The following POC1B variants were observed in gnomAD, a reference collection of about 807,000 sequenced individuals.
POC1B encodes POC1 centriolar protein homolog B.
In POC1B, 44 loss-of-function variants were observed where a neutral mutation model predicts 60.6. The observed-to-expected ratio is 0.73, with a 90% CI of 0.57 to 0.93. The LOEUF (loss-of-function observed/expected upper bound fraction) is 0.93, where lower values mean the gene tolerates loss of function less well. Among genes scored for constraint, POC1B ranks in the 40% least tolerant of loss-of-function variants. The pLI is 0.00. For missense variants in POC1B, 555 were observed against 572.3 expected, an observed-to-expected ratio of 0.97 and a Z score of 0.31; for synonymous variants, 180 against 198.9, an observed-to-expected ratio of 0.90 and a Z score of 0.80.
intron 2 of POC1B, among the ~76,000 whole-genome samples, chr12:89,499,532 C>T (rs757909681): frequency 6.6e-6 from 1 of 151,640 alleles, no homozygotes; most frequent in Non-Finnish European, 1.5e-5. Flanking sequence ...AAAAAAAAAC[C>T]TGCGATGGGA....
intron 4 of POC1B, among the ~76,000 whole-genome samples, chr12:89,489,511 C>T (rs1287891604): frequency 6.6e-6 from 1 of 152,224 alleles, no homozygotes; most frequent in Non-Finnish European, 1.5e-5. Context: ...GTCTGACCTT[C>T]TGCCTATCTT....
chr12:89,525,856 C>G, intron 1 of POC1B, 25 bp downstream of exon 1: 1 of 1,366,392 alleles, frequency 7.3e-7, no homozygotes, highest in South Asian at 1.6e-5. Context: ...GGGAGGGACC[C>G]CCCCCACCTC....
At chr12:89,485,816 C>A (rs1868606482) in intron 4 of POC1B, among the ~76,000 whole-genome samples, 2 of 152,222 alleles carry the variant, frequency 1.3e-5, no homozygotes, top group Non-Finnish European at 2.9e-5. Flanking sequence ...TAAGCCTACT[C>A]ACCAACCTTT....
the POC1B span, among the ~76,000 whole-genome samples, chr12:89,410,186 C>G: frequency 1.3e-5 from 2 of 152,166 alleles, no homozygotes; most frequent in South Asian, 2.1e-4. Flanking sequence ...ATCACATAAA[C>G]AGAACCAGTG....
the POC1B span, among the ~76,000 whole-genome samples, chr12:89,405,820 T>C: frequency 1.3e-5 from 2 of 151,918 alleles, no homozygotes; most frequent in Non-Finnish European, 2.9e-5. Context: ...CCAGGTGTGG[T>C]GTCACGCATC....
chr12:89,409,846 A>G, the POC1B span, among the ~76,000 whole-genome samples: 1 of 152,214 alleles, frequency 6.6e-6, no homozygotes, highest in Non-Finnish European at 1.5e-5. Context: ...CAAGGAGCAG[A>G]CAGATTCACA....
At chr12:89,521,409 CACTT>C (rs1363925916) in intron 2 of POC1B, 2 of 152,302 alleles carry the variant, frequency 1.3e-5, no homozygotes, top group African/African-American at 4.8e-5. Flanking sequence ...GGCCTCCCCT[CACTT>C]AATTTTTAAA....
At chr12:89,493,720 C>T (rs1413114116) in intron 3 of POC1B, among the ~76,000 whole-genome samples, 3 of 152,218 alleles carry the variant, frequency 2.0e-5, no homozygotes, top group African/African-American at 7.2e-5. Flanking sequence ...TCATCAAAAT[C>T]TGCCCTGATT....
chr12:89,476,432 C>T (rs113119351), intron 4 of POC1B, among the ~76,000 whole-genome samples: 3,784 of 152,256 alleles, frequency 0.025, 72 homozygotes, highest in Non-Finnish European at 0.036. Context: ...CATAAGGCCA[C>T]GTGTGGTGGC....
At chr12:89,468,393 G>A (rs935665717) in intron 7 of POC1B, among the ~76,000 whole-genome samples, 6 of 152,082 alleles carry the variant, frequency 3.9e-5, no homozygotes, top group Non-Finnish European at 7.3e-5. Context: ...CCAGATAAGA[G>A]TAAGTATTTC....
At chr12:89,523,691 G>A in intron 2 of POC1B, 2 of 1,542,184 alleles carry the variant, frequency 1.3e-6, no homozygotes, top group South Asian at 2.6e-5. Flanking sequence ...GGGACAGAAT[G>A]CCACTGAAAT....
chr12:89,480,827 C>T (rs1319234467), intron 4 of POC1B, among the ~76,000 whole-genome samples: 1 of 152,168 alleles, frequency 6.6e-6, no homozygotes, highest in Non-Finnish European at 1.5e-5. Flanking sequence ...GTCTCGATCT[C>T]CTGACCTTGT....
At chr12:89,504,404 C>T (rs1869791813) in intron 2 of POC1B, among the ~76,000 whole-genome samples, 1 of 152,074 alleles carries the variant, frequency 6.6e-6, no homozygotes, top group Admixed American at 6.5e-5. Flanking sequence ...TGCTTGAAGG[C>T]AGCATGCTCC....
intron 2 of POC1B, chr12:89,521,987 T>C (rs547471834): frequency 1.0e-5 from 4 of 398,874 alleles, no homozygotes; most frequent in Non-Finnish European, 1.3e-5. Context: ...AAGGGAGGCA[T>C]AGTATTCTGG....
At chr12:89,522,463 A>G (rs545185576) in intron 2 of POC1B, 1 of 355,024 alleles carries the variant, frequency 2.8e-6, no homozygotes, top group Admixed American at 4.6e-5. Context: ...ACACATCAAC[A>G]TAAATCATAC....
At chr12:89,507,801 A>G (rs1186297855) in intron 2 of POC1B, among the ~76,000 whole-genome samples, 1 of 152,212 alleles carries the variant, frequency 6.6e-6, no homozygotes, top group Non-Finnish European at 1.5e-5. Flanking sequence ...CTTAAGTACC[A>G]ATAACTTCCT....
At chr12:89,467,737 T>C (rs1254727761) in intron 7 of POC1B, 52 bp from the exon 8 acceptor site, 2 of 1,404,476 alleles carry the variant, frequency 1.4e-6, no homozygotes, top group Admixed American at 1.8e-5. Flanking sequence ...TGCTTTCTCA[T>C]GGCCAAGAAG....
At chr12:89,522,711 G>C in intron 2 of POC1B, 1 of 1,447,766 alleles carries the variant, frequency 6.9e-7, no homozygotes, top group Non-Finnish European at 9.2e-7. Context: ...ATGACTGCTA[G>C]GTGGCTTTTG....
chr12:89,521,993 T>G, intron 2 of POC1B: 2 of 399,004 alleles, frequency 5.0e-6, no homozygotes, highest in Non-Finnish European at 8.8e-6. Flanking sequence ...GGCATAGTAT[T>G]CTGGATGAGT....
Sources: gnomAD v4.1 joint callset for allele counts (sites outside exome capture counted in the v4.1 genomes callset) on GRCh38, gnomAD v4.1.1 for gene constraint, MANE v1.5 for transcripts, NCBI Gene and HGNC (gene_info 2026-07-23, HGNC 2026-07-21) for gene names.